Variants in PCDHA1 observed in about 807,000 individuals in gnomAD.
PCDHA1 encodes protocadherin alpha 1.
In PCDHA1, 42 loss-of-function variants were observed where a neutral mutation model predicts 61.3. The observed-to-expected ratio is 0.69, with a 90% CI of 0.54 to 0.89. The LOEUF is 0.89. PCDHA1 is among the 40% of genes least tolerant of loss of function. The probability of loss-of-function intolerance (pLI) is 0.00; values close to 1 mark genes in which losing one functional copy is unlikely to be tolerated. For missense variants in PCDHA1, 1,256 were observed against 1,235.3 expected (o/e 1.02, Z -0.25); for synonymous variants, 610 against 553.8 (o/e 1.10, Z -1.43).
At position 140,856,143 on chromosome 5, in the gene PCDHA1, A is replaced by G. The variant is rs782449893; in HGVS notation, c.2394+67459A>G. 6 of 1,598,020 alleles carry G rather than the reference A, an allele frequency of 3.8e-6. 1 individual carries two copies. The South Asian group carries it at 6.6e-5, about 18-fold the overall frequency. On this transcript the variant is annotated intron_variant, in intron 1 of 3. Coordinates refer to ENST00000504120, the MANE Select transcript of PCDHA1 (RefSeq NM_018900.4). ...GAGGTGGGGAGCGGCCAGCTCCACTACTCAGTCTACGAGGAGGCCAGACAC... is the reference window on the plus strand; with the variant it reads ...GAGGTGGGGAGCGGCCAGCTCCACTGCTCAGTCTACGAGGAGGCCAGACAC...
intron 3 of PCDHA1, among the ~76,000 whole-genome samples, chr5:140,991,829 G>A (rs530610195): frequency 3.3e-5 from 5 of 152,196 alleles, no homozygotes; most frequent in South Asian, 2.1e-4. Flanking sequence ...CATTTATAAC[G>A]GCAGAACCGC....
intron 2 of PCDHA1, among the ~76,000 whole-genome samples, chr5:140,980,702 G>A (rs1472407152): frequency 6.6e-6 from 1 of 151,558 alleles, no homozygotes; most frequent in Non-Finnish European, 1.5e-5. Flanking sequence ...AAAGCCAAAT[G>A]TGCTCCTATT....
At chr5:140,793,073 G>T (rs1254169989) in intron 1 of PCDHA1, among the ~76,000 whole-genome samples, 1 of 152,176 alleles carries the variant, frequency 6.6e-6, no homozygotes, top group Non-Finnish European at 1.5e-5. Flanking sequence ...CATCCAAACT[G>T]GGCTGTAGGA....
intron 1 of PCDHA1, among the ~76,000 whole-genome samples, chr5:140,921,713 A>T (rs1247257514): frequency 2.0e-5 from 3 of 152,174 alleles, no homozygotes; most frequent in Non-Finnish European, 4.4e-5. Flanking sequence ...CAGTAAACAC[A>T]CGAATTACTC....
At chr5:140,843,070 G>T (rs2150351793) in intron 1 of PCDHA1, 5 of 1,595,368 alleles carry the variant, frequency 3.1e-6, no homozygotes, top group East Asian at 2.2e-5. Flanking sequence ...TGGTGCCGCG[G>T]TCTGTGGGCG....
chr5:141,008,786 T>C (rs2098390952), intron 3 of PCDHA1, among the ~76,000 whole-genome samples: 1 of 152,212 alleles, frequency 6.6e-6, no homozygotes, highest in South Asian at 2.1e-4. Context: ...TGGCTCCCAG[T>C]GTTTTATCTA....
rs553716577 is a variant in PCDHA1 at position 140,809,243 on chromosome 5, G to T, written c.2394+20559G>T. On this transcript the variant is annotated intron_variant, in intron 1 of 3. Transcript: ENST00000504120. ...GGCCTCCTCACGGGCGTTGGTGGGC[G>T]CTGTGGGTCCCGATGCTGCGCTGGT... 6.8e-6 allele frequency: 11 copies of T among 1,614,094 alleles called. No individual in the cohort carries two copies. The African/African-American group carries it at 8.0e-5, about 12-fold the overall frequency.
At chr5:140,951,723 A>G (rs1364455679) in intron 1 of PCDHA1, among the ~76,000 whole-genome samples, 3 of 152,104 alleles carry the variant, frequency 2.0e-5, no homozygotes, top group Non-Finnish European at 4.4e-5. Flanking sequence ...GATCCAAACC[A>G]TGTCATTCTG....
chr5:140,896,635 C>T (rs539969970), intron 1 of PCDHA1, among the ~76,000 whole-genome samples: 4 of 152,178 alleles, frequency 2.6e-5, no homozygotes, highest in South Asian at 4.1e-4. Context: ...CCTTGGCCTC[C>T]CAAAGTGCTA....
intron 2 of PCDHA1, 73 bp downstream of exon 2, chr5:140,979,080 A>T: frequency 1.3e-6 from 2 of 1,572,720 alleles, no homozygotes; most frequent in Non-Finnish European, 1.7e-6. Context: ...GCATCTCCAT[A>T]GGCCAGAAGC....
chr5:140,803,504 C>T lies in PCDHA1; in HGVS notation c.2394+14820C>T, dbSNP rs201201783. 429 of 1,614,252 alleles carry T rather than the reference C, an allele frequency of 2.7e-4. 3 individuals are homozygous for T. The highest frequency in any genetic ancestry group is 2.0e-3 in the South Asian group (184 of 91,084). On this transcript the variant is annotated intron_variant, in intron 1 of 3. Transcript: ENST00000504120. ...GAGAGGGGTTGCCCAAGACCGACCT[C>T]ATGGCTTTTAGCCCTAGCCTTCCTC... is the stretch of plus-strand genomic sequence containing the variant.
chr5:140,856,934 G>A, intron 1 of PCDHA1: 1 of 1,593,752 alleles, frequency 6.3e-7, no homozygotes. Context: ...TTGGATAAAC[G>A]AAAGGACGGG....
chr5:140,799,995 A>G (rs1272212542), intron 1 of PCDHA1, among the ~76,000 whole-genome samples: 1 of 152,104 alleles, frequency 6.6e-6, no homozygotes, highest in African/African-American at 2.4e-5. Flanking sequence ...ATACTGGCTT[A>G]TGTTCCTAGG....
chr5:140,978,911 T>C, intron 1 of PCDHA1, 38 bp from the exon 2 acceptor site: 1 of 1,613,856 alleles, frequency 6.2e-7, no homozygotes, highest in Non-Finnish European at 8.5e-7. Context: ...AACATTGTCT[T>C]GTCATTTTAA....
chr5:140,884,176 T>C, intron 1 of PCDHA1: 1 of 1,613,372 alleles, frequency 6.2e-7, no homozygotes, highest in South Asian at 1.1e-5. Flanking sequence ...CGACGCGCCC[T>C]CTGGACGAGG....
rs1554262648 is a variant in PCDHA1, at chr5:141,010,047, A to G, written c.*110A>G. On this transcript the variant is annotated 3_prime_UTR_variant, in exon 4 of 4. Coordinates refer to ENST00000504120, the MANE Select transcript of PCDHA1 (RefSeq NM_018900.4). The stretch of plus-strand genomic sequence containing the variant: ...CCTATCTACATGAGCCCTCTTAGAG[A>G]CCTCAGAAATCTGCAGAAAGTTCCC... 1.9e-6 allele frequency: 3 copies of G among 1,595,144 alleles called. No homozygotes were observed. The highest frequency in any genetic ancestry group is 1.7e-6 in the Non-Finnish European group (2 of 1,171,458).
At chr5:140,850,240 T>A (rs2041453726) in intron 1 of PCDHA1, 1 of 1,593,332 alleles carries the variant, frequency 6.3e-7, no homozygotes, top group Non-Finnish European at 8.6e-7. Context: ...GAGATGGTGC[T>A]GCGGTCGGTG....
intron 1 of PCDHA1, among the ~76,000 whole-genome samples, chr5:140,940,004 A>AT (rs1326829458): frequency 2.6e-5 from 4 of 152,120 alleles, no homozygotes; most frequent in Admixed American, 1.3e-4. Context: ...GATTTTGTCA[A>AT]TTTTTTGTGT....
chr5:140,828,242 G>A (rs1769642042), intron 1 of PCDHA1: 1 of 1,613,964 alleles, frequency 6.2e-7, no homozygotes, highest in Non-Finnish European at 8.5e-7. Flanking sequence ...GATCGCGCAG[G>A]ACCTGGGGCT....
Sources: gnomAD v4.1 joint callset for allele counts (sites outside exome capture counted in the v4.1 genomes callset) on GRCh38, gnomAD v4.1.1 for gene constraint, MANE v1.5 for transcripts, NCBI Gene and HGNC (gene_info 2026-07-23, HGNC 2026-07-21) for gene names.